The following NBPF3 variants were observed in gnomAD, a reference collection of about 807,000 sequenced individuals.
The protein encoded by NBPF3 is NBPF member 3.
Under a neutral mutation model 78.1 loss-of-function variants are expected in NBPF3, and 57 were observed. The observed-to-expected ratio is 0.73, with a 90% CI of 0.59 to 0.91. The LOEUF is 0.91. Among genes scored for constraint, NBPF3 ranks in the 40% least tolerant of loss-of-function variants. The pLI is 0.00. For synonymous variants in NBPF3, 182 were observed against 271.7 expected (o/e 0.67, Z 3.25); for missense variants, 510 against 715.3 (o/e 0.71, Z 3.27).
intron 10 of NBPF3, among the ~76,000 whole-genome samples, chr1:21,479,848 G>GTGTGTGTGTGTGTGTGTGTGTATGTGTA (rs746655034): frequency 3.3e-5 from 4 of 121,896 alleles, no homozygotes; most frequent in African/African-American, 1.1e-4. Flanking sequence ...GTGTGTGTGT[G>GTGTGTGTGTGTGTGTGTGTGTATGTGTA]TGTGTATGTG....
At chr1:21,441,073 C>T (rs1283653322) in intron 1 of NBPF3, among the ~76,000 whole-genome samples, 2 of 152,206 alleles carry the variant, frequency 1.3e-5, no homozygotes, top group Non-Finnish European at 1.5e-5. Flanking sequence ...TCCTTGCTTT[C>T]CTTCTGTCTT....
intron 2 of NBPF3, among the ~76,000 whole-genome samples, chr1:21,466,343 A>G (rs1342092270): frequency 6.6e-6 from 1 of 152,256 alleles, no homozygotes; most frequent in Non-Finnish European, 1.5e-5. Flanking sequence ...AACAGGAATC[A>G]GAAATATATT....
chr1:21,457,805 TCCA>T, intron 2 of NBPF3, among the ~76,000 whole-genome samples: 1 of 152,332 alleles, frequency 6.6e-6, no homozygotes, highest in East Asian at 1.9e-4. Context: ...TATGTGTATT[TCCA>T]GACCAGACTG....
At chr1:21,455,450 G>A (rs989211779) in intron 2 of NBPF3, among the ~76,000 whole-genome samples, 11 of 152,192 alleles carry the variant, frequency 7.2e-5, no homozygotes, top group African/African-American at 2.7e-4. Flanking sequence ...TTCTGCTTCT[G>A]TCTGTTAGAA....
At position 21,444,980 on chromosome 1, in the gene NBPF3, G is replaced by A. The variant is rs1249939488; in HGVS notation, c.-107G>A. The A allele has an allele frequency of 1.6e-5, 20 of 1,285,280 alleles. No individual in the cohort carries two copies. Among genetic ancestry groups the A allele is most frequent in the Non-Finnish European group, 2.0e-5 (19 of 937,636 alleles). The allele number at this position is 1,285,280 out of a possible 1,614,324, so 79.6% of individuals were successfully genotyped here. A position where few individuals can be genotyped will look rare whatever the true frequency, so the allele number is the denominator to read the frequency against. On this transcript the variant is annotated 5_prime_UTR_variant, in exon 2 of 15. Coordinates refer to ENST00000318249, the MANE Select transcript of NBPF3 (RefSeq NM_032264.6). ...GAAGGCAAATCCTGTTTAGACCCAG[G>A]CGAAGGTTCCTGGTGACCCAGGCTC... is the stretch of plus-strand genomic sequence containing the variant.
chr1:21,444,493 G>C (rs1202698496), intron 1 of NBPF3, among the ~76,000 whole-genome samples: 1 of 152,164 alleles, frequency 6.6e-6, no homozygotes, highest in East Asian at 1.9e-4. Flanking sequence ...TGGAATTCTT[G>C]TTCACTAAGA....
chr1:21,474,736 A>G (rs898559169), intron 7 of NBPF3, among the ~76,000 whole-genome samples, 164 bp from the exon 8 acceptor site: 11 of 152,184 alleles, frequency 7.2e-5, no homozygotes, highest in African/African-American at 2.2e-4. Context: ...AGGGTCATCT[A>G]CTTCTCACCA....
chr1:21,468,939 G>GA (rs35175190), intron 3 of NBPF3, 42 bp downstream of exon 3: 283,155 of 1,444,444 alleles, frequency 0.2, 30,670 homozygotes, highest in South Asian at 0.39. Flanking sequence ...GATGAATGAT[G>GA]TCCTGTCTTC....
intron 3 of NBPF3, among the ~76,000 whole-genome samples, chr1:21,469,716 C>T (rs1156699086): frequency 3.9e-5 from 6 of 152,154 alleles, no homozygotes; most frequent in Non-Finnish European, 7.3e-5. Flanking sequence ...TAGGGCAAGA[C>T]TCGTCAAAAG....
chr1:21,471,674 G>A lies in NBPF3; in HGVS notation c.552G>A (p.Gln184=). Residue 184 remains glutamine (Q), a synonymous_variant, in exon 5 of 15, where the codon CAG becomes CAA. Coordinates refer to ENST00000318249, the MANE Select transcript of NBPF3 (RefSeq NM_032264.6). ...CCCGCTCATTGAATCAGCATCTCCA[G>A]GCCCTCCTCACTCCGGATGAGCCGG... is the stretch of plus-strand genomic sequence containing the variant. ...DASRSLNQHL[Q]ALLTPDEPDN... 2 of 1,613,310 alleles carry A rather than the reference G, an allele frequency of 1.2e-6. No homozygotes were observed. The highest frequency in any genetic ancestry group is 1.7e-6 in the Non-Finnish European group (2 of 1,179,858).
chr1:21,478,071 C>A, intron 8 of NBPF3, 73 bp from the exon 9 acceptor site: 1 of 1,611,804 alleles, frequency 6.2e-7, no homozygotes, highest in Non-Finnish European at 8.5e-7. Flanking sequence ...CCCATCAGAT[C>A]ATCTGGAAGG....
chr1:21,445,175 C>T lies in NBPF3; in HGVS notation c.89C>T (p.Ala30Val). 6.2e-7 allele frequency: 1 copy of T among 1,611,926 alleles called. No individual in the cohort carries two copies. Among genetic ancestry groups the T allele is most frequent in the Non-Finnish European group, 8.5e-7 (1 of 1,179,820 alleles). The change falls in exon 2 of 15, where the codon GCC (alanine) becomes GTC (valine). Residue 30 changes from alanine (A) to valine (V), a missense_variant. By Grantham distance (64) the Ala-to-Val change is moderately conservative (BLOSUM62 0). Transcript: ENST00000318249. ...ETSPFGAPRA[A>V]SHGVGRHQEL... ...TCCCCATTCGGTGCACCAAGAGCAG[C>T]CTCACATGGTGTGGGCCGACATCAA...
intron 2 of NBPF3, among the ~76,000 whole-genome samples, chr1:21,461,311 G>A (rs199609213): frequency 2.3e-4 from 5 of 21,720 alleles, no homozygotes; most frequent in African/African-American, 3.4e-4. Flanking sequence ...CCTGTCTCCC[G>A]TCAGAAAAAT....
At chr1:21,439,829 G>C (rs1487780405), upstream of NBPF3, among the ~76,000 whole-genome samples, 3 of 152,200 alleles carry the variant, frequency 2.0e-5, no homozygotes, top group Non-Finnish European at 4.4e-5. Context: ...TGTGTCTTCT[G>C]CTTCTTTAAC....
intron 3 of NBPF3, among the ~76,000 whole-genome samples, chr1:21,469,919 G>T (rs1642491342): frequency 6.6e-6 from 1 of 152,148 alleles, no homozygotes; most frequent in African/African-American, 2.4e-5. Flanking sequence ...TTCCTCATCT[G>T]TACATAGGGT....
upstream of NBPF3, among the ~76,000 whole-genome samples, chr1:21,438,723 T>G (rs552244008): frequency 6.6e-6 from 1 of 150,740 alleles, no homozygotes; most frequent in Non-Finnish European, 1.5e-5. Context: ...GAATGAAAAC[T>G]TAAATGACCT....
rs1419469011 is a variant in NBPF3 at position 21,455,673 on chromosome 1, C to T, written c.133+10454C>T. On this transcript the variant is annotated intron_variant, in intron 2 of 14. Coordinates refer to ENST00000318249, the MANE Select transcript of NBPF3 (RefSeq NM_032264.6). ...GAAGGCAGAGATCAGAGTTCAAGAC[C>T]ATTGAAGCAACTGCAATCTGCAGGG... Among the ~76,000 whole-genome samples the T allele has an allele frequency of 3.9e-5, 6 of 152,184 alleles. No individual in the cohort carries two copies. In the East Asian group the frequency reaches 1.2e-3, roughly 29 times the overall value.
At chr1:21,469,163 T>C (rs1257615693) in intron 3 of NBPF3, among the ~76,000 whole-genome samples, 1 of 152,174 alleles carries the variant, frequency 6.6e-6, no homozygotes, top group Non-Finnish European at 1.5e-5. Context: ...AACGACCTGT[T>C]TTCTCCAAGA....
At chr1:21,441,429 GGGCGCA>G (rs1370828455) in intron 1 of NBPF3, among the ~76,000 whole-genome samples, 1 of 152,050 alleles carries the variant, frequency 6.6e-6, no homozygotes, top group African/African-American at 2.4e-5. Flanking sequence ...CAGGGGGCCC[GGGCGCA>G]GTAGATCACA....
Sources: gnomAD v4.1 joint callset for allele counts (sites outside exome capture counted in the v4.1 genomes callset) on GRCh38, gnomAD v4.1.1 for gene constraint, MANE v1.5 for transcripts, NCBI Gene and HGNC (gene_info 2026-07-23, HGNC 2026-07-21) for gene names.